Variants in ACCSL observed in about 807,000 individuals in gnomAD.
ACCSL encodes 1-aminocyclopropane-1-carboxylate synthase homolog (inactive) like.
A neutral mutation model predicts 61.7 loss-of-function variants in ACCSL; 55 were observed. That is an observed-to-expected ratio of 0.89 (90% CI 0.72 to 1.12). ACCSL has a LOEUF of 1.12. Ranked by LOEUF, ACCSL falls within the 50% of genes most tolerant of loss-of-function variation. ACCSL has a pLI of 0.00. For missense variants in ACCSL, 632 were observed against 698.0 expected, an observed-to-expected ratio of 0.91 and a Z score of 1.07; for synonymous variants, 258 against 264.3, an observed-to-expected ratio of 0.98 and a Z score of 0.23.
At chr11:43,929,163 T>C in the ACCSL span, among the ~76,000 whole-genome samples, 1 of 152,252 alleles carries the variant, frequency 6.6e-6, no homozygotes, top group Non-Finnish European at 1.5e-5. Context: ...CAGCTATTCT[T>C]ATGAAATAGT....
rs144678340 is a variant in ACCSL at position 44,055,241 on chromosome 11, G to A, written c.1089G>A (p.Leu363=). Residue 363 remains leucine, a synonymous_variant, in exon 9 of 14, where the codon CTG becomes CTA. Coordinates refer to ENST00000378832, the MANE Select transcript of ACCSL (RefSeq NM_001031854.2). ...LHVIIDEIYM[L]SVFDESITFH... The stretch of plus-strand genomic sequence containing the variant: ...TGATCATAGATGAGATTTACATGCT[G>A]TCTGTGTTTGATGAATCCATCACAT... 2 of 1,612,940 alleles carry A rather than the reference G, an allele frequency of 1.2e-6. No individual in the cohort carries two copies. Among genetic ancestry groups the A allele is most frequent in the African/African-American group, 1.3e-5 (1 of 75,046 alleles).
chr11:43,965,460 A>C, the ACCSL span, among the ~76,000 whole-genome samples: 1 of 152,240 alleles, frequency 6.6e-6, no homozygotes, highest in Non-Finnish European at 1.5e-5. Flanking sequence ...AGAACACCTG[A>C]GTAAATGGAA....
chr11:44,013,544 C>T, the ACCSL span, among the ~76,000 whole-genome samples: 4 of 152,190 alleles, frequency 2.6e-5, no homozygotes, highest in East Asian at 5.8e-4. Flanking sequence ...CCACCCGCCT[C>T]GGCCTCCCAA....
At chr11:43,925,049 C>G in the ACCSL span, 4 of 185,312 alleles carry the variant, frequency 2.2e-5, no homozygotes, top group Non-Finnish European at 3.5e-5. Context: ...CTCCATTCAC[C>G]TGGAGTGAGA....
the ACCSL span, chr11:43,942,953 G>T: frequency 2.0e-6 from 3 of 1,475,640 alleles, no homozygotes; most frequent in Non-Finnish European, 2.7e-6. Flanking sequence ...CAGTTACCAG[G>T]CGGTGATGCC....
At position 44,048,277 on chromosome 11, in the gene ACCSL, C is replaced by T. The variant is rs772606145; in HGVS notation, c.241C>T (p.Leu81Phe). ...TCGCTTAATATGCCGGATGATCAAC[C>T]TCCTACAGTCTGGGGCCGCGAGTGG... ...LSRLICRMIN[L>F]LQSGAASGLE... Residue 81 changes from leucine (L) to phenylalanine (F), a missense_variant, in exon 1 of 14, where the codon CTC becomes TTC. Leu to Phe is a conservative substitution (Grantham distance 22). Transcript: ENST00000378832. The T allele has an allele frequency of 1.5e-5, 24 of 1,614,172 alleles. No homozygotes were observed. In the South Asian group the frequency reaches 2.3e-4, roughly 16 times the overall value.
Position 44,050,078 on chromosome 11 carries a change from G to C in ACCSL, c.521G>C (p.Gly174Ala). The C allele has an allele frequency of 1.2e-6, 2 of 1,614,164 alleles. No individual in the cohort carries two copies. The highest frequency in any genetic ancestry group is 1.7e-6 in the Non-Finnish European group (2 of 1,180,030). Residue 174 changes from glycine to alanine, a missense_variant, in exon 2 of 14, where the codon GGC (glycine) becomes GCC (alanine). Coordinates refer to ENST00000378832, the MANE Select transcript of ACCSL (RefSeq NM_001031854.2). ...CATCTCCAGGGTTTCATTAACCTTG[G>C]CACCAGTGAGAACAAGCTCTGCATG... ...DKNTLGFINL[G>A]TSENKLCMDL...
chr11:43,944,260 C>T, the ACCSL span: 2 of 166,302 alleles, frequency 1.2e-5, no homozygotes, highest in African/African-American at 4.8e-5. Flanking sequence ...ACGCATCTCC[C>T]TCTGCGCTGA....
chr11:44,054,306 G>A (rs1335619085), intron 8 of ACCSL, among the ~76,000 whole-genome samples: 2 of 152,194 alleles, frequency 1.3e-5, no homozygotes, highest in Non-Finnish European at 2.9e-5. Context: ...AATGAATGGT[G>A]CAGTGTGTGG....
the ACCSL span, among the ~76,000 whole-genome samples, chr11:43,928,193 TC>T: frequency 6.6e-6 from 1 of 152,084 alleles, no homozygotes; most frequent in African/African-American, 2.4e-5. Context: ...TGGGCCCACA[TC>T]AGGCGTAGGA....
the ACCSL span, among the ~76,000 whole-genome samples, chr11:43,973,078 A>G: frequency 3.9e-5 from 6 of 152,326 alleles, no homozygotes; most frequent in Middle Eastern, 0.01. Context: ...CAAAAACACA[A>G]CTTCTATGAT....
chr11:43,974,176 C>T, the ACCSL span: 1 of 152,234 alleles, frequency 6.6e-6, no homozygotes, highest in African/African-American at 2.4e-5. Flanking sequence ...GAGTGAGAAT[C>T]ACATTGATGG....
the ACCSL span, among the ~76,000 whole-genome samples, chr11:43,984,900 C>T: frequency 6.6e-5 from 10 of 152,332 alleles, no homozygotes; most frequent in African/African-American, 2.2e-4. Flanking sequence ...AGGGGCTCTT[C>T]GAGGCCACCA....
Position 44,058,719 on chromosome 11 carries a change from C to T in ACCSL, c.1624+20C>T, listed in dbSNP as rs1401826178. 1.9e-6 allele frequency: 3 copies of T among 1,597,960 alleles called. No homozygotes were observed. In the East Asian group the frequency reaches 6.7e-5, roughly 36 times the overall value. ...AATTGGGTGAGTGGAGCTGACCTCC[C>T]AATCCTTTAAAGACGCCCCATCAAT... On this transcript the variant is annotated intron_variant, in intron 13 of 13. Transcript: ENST00000378832.
At chr11:44,054,606 G>A (rs561492700) in intron 8 of ACCSL, among the ~76,000 whole-genome samples, 8 of 152,042 alleles carry the variant, frequency 5.3e-5, no homozygotes, top group East Asian at 3.9e-4. Context: ...GCAGGCATGC[G>A]CCAACATACC....
At chr11:43,985,599 A>G in the ACCSL span, among the ~76,000 whole-genome samples, 1 of 152,240 alleles carries the variant, frequency 6.6e-6, no homozygotes, top group African/African-American at 2.4e-5. Context: ...GAATGGGGTT[A>G]TGAGCAAAAT....
At chr11:44,055,831 A>G (rs995855033) in intron 9 of ACCSL, among the ~76,000 whole-genome samples, 1 of 152,258 alleles carries the variant, frequency 6.6e-6, no homozygotes, top group Non-Finnish European at 1.5e-5. Context: ...GACTTCATTC[A>G]GTGGGCACTT....
the ACCSL span, among the ~76,000 whole-genome samples, chr11:43,954,644 G>A: frequency 6.6e-6 from 1 of 151,564 alleles, no homozygotes; most frequent in Non-Finnish European, 1.5e-5. Flanking sequence ...GAGTGCAATG[G>A]TGCTATCTCG....
the ACCSL span, among the ~76,000 whole-genome samples, chr11:44,021,996 A>AC: frequency 1.3e-5 from 2 of 152,142 alleles, no homozygotes; most frequent in African/African-American, 4.8e-5. Flanking sequence ...TTATACCAGT[A>AC]CCATGCTGTG....
Sources: allele counts gnomAD v4.1 joint callset (sites outside exome capture counted in the v4.1 genomes callset), GRCh38; gene constraint gnomAD v4.1.1; transcripts MANE v1.5; gene names NCBI Gene and HGNC (gene_info 2026-07-23, HGNC 2026-07-21).